INPP4B: variants seen among roughly 807,000 people sequenced by gnomAD.
INPP4B encodes inositol polyphosphate 4-phosphatase type II.
INPP4B carries 55 observed loss-of-function variants against 122.5 expected under a neutral mutation model. The ratio of observed to expected loss-of-function variants is 0.45; its 90% confidence interval spans 0.36 to 0.56. The LOEUF (loss-of-function observed/expected upper bound fraction) is 0.56. Ranked by LOEUF, INPP4B falls within the 20% of genes least tolerant of loss-of-function variation. The probability of loss-of-function intolerance (pLI) is 0.00; values close to 1 mark genes in which losing one functional copy is unlikely to be tolerated. For synonymous variants in INPP4B, 403 were observed against 388.7 expected (o/e 1.04, Z -0.43); for missense variants, 1,000 against 1,097.7 (o/e 0.91, Z 1.26).
chr4:142,622,759 A>C (rs1745249014), intron 2 of INPP4B, among the ~76,000 whole-genome samples: 1 of 151,974 alleles, frequency 6.6e-6, no homozygotes, highest in Non-Finnish European at 1.5e-5. Context: ...TACATCTTAG[A>C]CCCTTATTTT....
intron 1 of INPP4B, among the ~76,000 whole-genome samples, chr4:142,810,255 A>AAATTTT (rs1366221355): frequency 6.6e-6 from 1 of 152,150 alleles, no homozygotes; most frequent in Admixed American, 6.5e-5. Flanking sequence ...TTAGAAGTGT[A>AAATTTT]AATTTTATGT....
intron 7 of INPP4B, among the ~76,000 whole-genome samples, chr4:142,341,141 T>A (rs1035100185): frequency 1.3e-5 from 2 of 152,228 alleles, no homozygotes; most frequent in Admixed American, 1.3e-4. Flanking sequence ...GACACTTTCA[T>A]CTCTCCTTTG....
At chr4:142,231,885 T>G (rs1418332832) in intron 12 of INPP4B, among the ~76,000 whole-genome samples, 1 of 152,148 alleles carries the variant, frequency 6.6e-6, no homozygotes, top group Non-Finnish European at 1.5e-5. Context: ...TATAGGATTT[T>G]AAAAATCCTG....
chr4:142,821,755 G>A (rs922654468), intron 1 of INPP4B, among the ~76,000 whole-genome samples: 1 of 152,070 alleles, frequency 6.6e-6, no homozygotes, highest in Non-Finnish European at 1.5e-5. Flanking sequence ...GAGAACACAG[G>A]CTGGCAGGTA....
chr4:142,687,044 C>A (rs928718324), intron 2 of INPP4B, among the ~76,000 whole-genome samples: 13 of 151,762 alleles, frequency 8.6e-5, no homozygotes, highest in African/African-American at 3.1e-4. Context: ...GGGATTCTTG[C>A]GAAAACTGGG....
At chr4:142,747,493 C>A (rs1055947132) in intron 1 of INPP4B, among the ~76,000 whole-genome samples, 1 of 152,080 alleles carries the variant, frequency 6.6e-6, no homozygotes, top group Admixed American at 6.6e-5. Context: ...ACTAGAAATA[C>A]CATTTGACCC....
At chr4:142,604,357 A>G (rs1740742404) in intron 2 of INPP4B, among the ~76,000 whole-genome samples, 1 of 152,140 alleles carries the variant, frequency 6.6e-6, no homozygotes, top group Non-Finnish European at 1.5e-5. Context: ...TATTTATCAT[A>G]ATACTGTAAG....
At chr4:142,586,481 G>A (rs1319396253) in intron 2 of INPP4B, among the ~76,000 whole-genome samples, 1 of 152,124 alleles carries the variant, frequency 6.6e-6, no homozygotes, top group Non-Finnish European at 1.5e-5. Flanking sequence ...ACAACACTCT[G>A]TAAAAGTGGT....
In INPP4B at chr4:142,348,026, T is replaced by C. The variant is rs148988365; in HGVS notation, c.373-33264A>G. ...CTATGTAATTATAAAACAAAATTCATAGTGCCATTATGTGACTGCATAAAC... is the reference window on the plus strand; with the variant it reads ...CTATGTAATTATAAAACAAAATTCACAGTGCCATTATGTGACTGCATAAAC... On this transcript the variant is annotated intron_variant, in intron 7 of 25. Transcript: ENST00000262992. Among the ~76,000 whole-genome samples the C allele has an allele frequency of 3.5e-3, 539 of 152,216 alleles. 4 individuals carry two copies. The highest frequency in any genetic ancestry group is 0.013 in the African/African-American group (521 of 41,548).
intron 23 of INPP4B, among the ~76,000 whole-genome samples, chr4:142,107,329 A>C (rs1787679589): frequency 6.6e-6 from 1 of 152,350 alleles, no homozygotes; most frequent in East Asian, 1.9e-4. Flanking sequence ...AGTAACGAGT[A>C]GACTTTGATT....
At chr4:142,511,280 A>G (rs997510291) in intron 2 of INPP4B, among the ~76,000 whole-genome samples, 9 of 152,178 alleles carry the variant, frequency 5.9e-5, no homozygotes, top group Admixed American at 2.6e-4. Flanking sequence ...AGTGAGGTAC[A>G]GATCAGGACA....
Position 142,493,801 on chromosome 4 carries a change from G to A in INPP4B, c.-190-31075C>T, listed in dbSNP as rs190716483. 1.9e-3 allele frequency among the ~76,000 whole-genome samples: 284 copies of A among 152,210 alleles called. 1 individual carries two copies. Among genetic ancestry groups the A allele is most frequent in the African/African-American group, 6.5e-3 (271 of 41,526 alleles). ...GCTTGAATGAGCTAAGACTTTGGGG[G>A]ACTGTTGGTAAGTCATGATTGTGTT... On this transcript the variant is annotated intron_variant, in intron 2 of 25. Coordinates refer to ENST00000262992, the MANE Select transcript of INPP4B (RefSeq NM_001101669.3).
chr4:142,638,546 C>CTTTTT (rs3080813), intron 2 of INPP4B, among the ~76,000 whole-genome samples: 1 of 134,310 alleles, frequency 7.4e-6, no homozygotes, highest in Non-Finnish European at 1.6e-5. Context: ...TGTCTATTCT[C>CTTTTT]TTTTTTTTTT....
intron 11 of INPP4B, among the ~76,000 whole-genome samples, chr4:142,253,546 T>C (rs1007331363): frequency 2.0e-5 from 3 of 152,170 alleles, no homozygotes; most frequent in Admixed American, 1.3e-4. Flanking sequence ...ACTCGGGAAG[T>C]GCAAGGGGTC....
intron 12 of INPP4B, among the ~76,000 whole-genome samples, chr4:142,212,522 G>C (rs1320433082): frequency 6.6e-6 from 1 of 152,126 alleles, no homozygotes; most frequent in African/African-American, 2.4e-5. Flanking sequence ...AGTTTCAGAC[G>C]TATTTTTCCT....
intron 1 of INPP4B, among the ~76,000 whole-genome samples, chr4:142,750,771 T>TTAA (rs1769568097): frequency 6.6e-6 from 1 of 152,124 alleles, no homozygotes; most frequent in African/African-American, 2.4e-5. Context: ...TAACTAACTC[T>TTAA]TAAGTCAGAT....
intron 1 of INPP4B, among the ~76,000 whole-genome samples, chr4:142,792,192 G>A (rs1019925307): frequency 7.2e-5 from 11 of 152,058 alleles, no homozygotes; most frequent in African/African-American, 2.7e-4. Context: ...ATTTGAGACT[G>A]CAGTGAACAA....
chr4:142,556,662 G>C (rs147080695), intron 2 of INPP4B, among the ~76,000 whole-genome samples: 2 of 152,244 alleles, frequency 1.3e-5, no homozygotes, highest in African/African-American at 2.4e-5. Context: ...ACCTTGAGAA[G>C]AGGGGGAGGT....
At chr4:142,311,986 A>T (rs1033590788) in intron 8 of INPP4B, among the ~76,000 whole-genome samples, 13 of 152,214 alleles carry the variant, frequency 8.5e-5, no homozygotes, top group Admixed American at 6.5e-5. Context: ...AGACTTCTAT[A>T]ACATGAGAAA....
Sources: allele counts gnomAD v4.1 joint callset (sites outside exome capture counted in the v4.1 genomes callset), GRCh38; gene constraint gnomAD v4.1.1; transcripts MANE v1.5; gene names NCBI Gene and HGNC (gene_info 2026-07-23, HGNC 2026-07-21).